Variants in BRINP3 observed in about 807,000 individuals in gnomAD.
BRINP3 encodes BMP/retinoic acid-inducible neural-specific protein 3.
BRINP3 carries 19 observed loss-of-function variants against 71.0 expected under a neutral mutation model. That is an observed-to-expected ratio of 0.27 (90% CI 0.19 to 0.39). The LOEUF (loss-of-function observed/expected upper bound fraction) is 0.39, where lower values mean the gene tolerates loss of function less well. Among genes scored for constraint, BRINP3 ranks in the 10% least tolerant of loss-of-function variants. BRINP3 has a pLI of 1.00. For synonymous variants in BRINP3, 380 were observed against 337.7 expected, an observed-to-expected ratio of 1.13 and a Z score of -1.37; for missense variants, 959 against 940.8, an observed-to-expected ratio of 1.02 and a Z score of -0.25.
intron 4 of BRINP3, 108 bp from the exon 5 acceptor site, chr1:190,234,585 C>A (rs1658338304): frequency 1.3e-6 from 1 of 756,460 alleles, no homozygotes; most frequent in Non-Finnish European, 2.2e-6. Context: ...GTAAATATCA[C>A]TGAAAGGTCC....
At chr1:190,431,727 C>A (rs1322631110) in intron 2 of BRINP3, among the ~76,000 whole-genome samples, 1 of 151,762 alleles carries the variant, frequency 6.6e-6, no homozygotes, top group Non-Finnish European at 1.5e-5. Flanking sequence ...GAAAAAAATC[C>A]CTGGGGAAAA....
chr1:190,414,252 G>A (rs1425979186), intron 2 of BRINP3, among the ~76,000 whole-genome samples: 1 of 151,936 alleles, frequency 6.6e-6, no homozygotes, highest in Non-Finnish European at 1.5e-5. Flanking sequence ...AGGGTATTGA[G>A]CCCAGTGAAG....
At chr1:190,376,919 A>G (rs1015625838) in intron 2 of BRINP3, among the ~76,000 whole-genome samples, 3 of 152,156 alleles carry the variant, frequency 2.0e-5, no homozygotes, top group African/African-American at 4.8e-5. Context: ...CATGGTCTAG[A>G]GCAGTGCTAT....
intron 2 of BRINP3, among the ~76,000 whole-genome samples, chr1:190,316,824 G>T (rs1665911874): frequency 6.6e-6 from 1 of 152,042 alleles, no homozygotes; most frequent in African/African-American, 2.4e-5. Flanking sequence ...AGACAACCAA[G>T]AAAAAGAGTA....
At chr1:190,125,256 C>A (rs1653990320) in intron 7 of BRINP3, among the ~76,000 whole-genome samples, 1 of 151,658 alleles carries the variant, frequency 6.6e-6, no homozygotes, top group Admixed American at 6.6e-5. Context: ...TAATAGTGAA[C>A]ATGTCTATAT....
intron 2 of BRINP3, among the ~76,000 whole-genome samples, chr1:190,366,385 G>A (rs1424629551): frequency 6.6e-6 from 1 of 152,112 alleles, no homozygotes; most frequent in East Asian, 1.9e-4. Flanking sequence ...AACAGCATGA[G>A]GGTAACTGCC....
chr1:190,278,729 TC>T (rs1329369304), intron 3 of BRINP3, among the ~76,000 whole-genome samples: 2 of 151,536 alleles, frequency 1.3e-5, no homozygotes, highest in African/African-American at 4.8e-5. Context: ...TCCATCTCTT[TC>T]CCCCTTTAAG....
At chr1:190,312,225 A>G (rs1665585626) in intron 2 of BRINP3, among the ~76,000 whole-genome samples, 1 of 150,864 alleles carries the variant, frequency 6.6e-6, no homozygotes, top group Non-Finnish European at 1.5e-5. Flanking sequence ...TGCAAAGTTC[A>G]ATATAAAAAA....
intron 6 of BRINP3, among the ~76,000 whole-genome samples, chr1:190,218,829 C>T (rs1001603861): frequency 2.6e-5 from 4 of 151,970 alleles, no homozygotes; most frequent in Non-Finnish European, 4.4e-5. Context: ...CTTAAGGGAG[C>T]CTACATTTAC....
chr1:190,123,127 G>A (rs12097484), intron 7 of BRINP3, among the ~76,000 whole-genome samples: 2,816 of 152,102 alleles, frequency 0.019, 109 homozygotes, highest in African/African-American at 0.065. Context: ...ATAATTGTTC[G>A]CCCCCCTCGA....
intron 7 of BRINP3, among the ~76,000 whole-genome samples, chr1:190,112,091 G>A (rs1330259802): frequency 6.6e-6 from 1 of 152,114 alleles, no homozygotes; most frequent in Non-Finnish European, 1.5e-5. Context: ...ACGGACAGGT[G>A]ATTTTCTTTC....
intron 6 of BRINP3, among the ~76,000 whole-genome samples, chr1:190,200,971 A>T (rs993104542): frequency 1.3e-5 from 2 of 152,072 alleles, no homozygotes; most frequent in South Asian, 4.1e-4. Context: ...TAAAACAGTA[A>T]ATTGGTACCA....
intron 6 of BRINP3, among the ~76,000 whole-genome samples, chr1:190,207,039 A>T (rs905011650): frequency 4.0e-5 from 6 of 151,662 alleles, no homozygotes; most frequent in African/African-American, 1.5e-4. Flanking sequence ...AAAATTCAAA[A>T]TAAGTAAGAG....
intron 2 of BRINP3, among the ~76,000 whole-genome samples, chr1:190,334,780 G>C (rs1456747969): frequency 6.6e-6 from 1 of 151,732 alleles, no homozygotes; most frequent in Non-Finnish European, 1.5e-5. Context: ...AAATAATAAG[G>C]TGAAAATGCT....
intron 7 of BRINP3, among the ~76,000 whole-genome samples, chr1:190,135,415 A>T (rs1654889054): frequency 6.6e-6 from 1 of 152,064 alleles, no homozygotes; most frequent in African/African-American, 2.4e-5. Context: ...TTCTTTTCCA[A>T]AGCATTTAGA....
intron 7 of BRINP3, among the ~76,000 whole-genome samples, chr1:190,117,248 G>A (rs116029173): frequency 6.6e-6 from 1 of 151,906 alleles, no homozygotes; most frequent in Non-Finnish European, 1.5e-5. Flanking sequence ...GCTTGTGTCA[G>A]TATAAACAGA....
At chr1:190,423,953 G>A (rs1276073940) in intron 2 of BRINP3, among the ~76,000 whole-genome samples, 1 of 151,602 alleles carries the variant, frequency 6.6e-6, no homozygotes, top group Non-Finnish European at 1.5e-5. Flanking sequence ...CTCATAACCT[G>A]TTCTTTTATT....
chr1:190,431,084 T>A (rs1674068333), intron 2 of BRINP3, among the ~76,000 whole-genome samples: 1 of 152,162 alleles, frequency 6.6e-6, no homozygotes, highest in Non-Finnish European at 1.5e-5. Flanking sequence ...ATTAGCTCTC[T>A]AGAAAGAATG....
At chr1:190,275,177 T>C (rs1662448873) in intron 3 of BRINP3, among the ~76,000 whole-genome samples, 1 of 151,616 alleles carries the variant, frequency 6.6e-6, no homozygotes. Context: ...TAGGTGGCAA[T>C]GAATCTACCC....
Sources: allele counts gnomAD v4.1 joint callset (sites outside exome capture counted in the v4.1 genomes callset), GRCh38; gene constraint gnomAD v4.1.1; transcripts MANE v1.5; gene names NCBI Gene and HGNC (gene_info 2026-07-23, HGNC 2026-07-21).